CSMD1: variants seen among roughly 807,000 people sequenced by gnomAD.
The protein encoded by CSMD1 is CUB and Sushi multiple domains 1.
In CSMD1, 213 loss-of-function variants were observed where a neutral mutation model predicts 417.5. That is an observed-to-expected ratio of 0.51 (90% CI 0.46 to 0.57). CSMD1 has a LOEUF of 0.57. Ranked by LOEUF, CSMD1 falls within the 20% of genes least tolerant of loss-of-function variation. The pLI, the probability that CSMD1 is intolerant of heterozygous loss-of-function variation, is 0.00. For missense variants in CSMD1, 6,923 were observed against 4,529.7 expected (o/e 1.53, Z -15.17); for synonymous variants, 2,862 against 1,736.8 (o/e 1.65, Z -16.11).
At chr8:4,718,475 G>A (rs898826203) in intron 1 of CSMD1, among the ~76,000 whole-genome samples, 1 of 151,742 alleles carries the variant, frequency 6.6e-6, no homozygotes, top group African/African-American at 2.4e-5. Flanking sequence ...CCTGAAGACA[G>A]GAACTAGAAA....
intron 2 of CSMD1, among the ~76,000 whole-genome samples, chr8:4,499,606 C>T (rs184314963): frequency 1.3e-5 from 2 of 152,316 alleles, no homozygotes; most frequent in Non-Finnish European, 2.9e-5. Context: ...AAAAGGTCAA[C>T]AGTGGAATAC....
chr8:4,872,511 T>A (rs1241025533), intron 1 of CSMD1, among the ~76,000 whole-genome samples: 6 of 152,046 alleles, frequency 3.9e-5, no homozygotes, highest in Admixed American at 3.9e-4. Context: ...CCTGGTTCCC[T>A]TTCACCTTCC....
At chr8:2,994,123 G>T (rs1165489555) in intron 54 of CSMD1, among the ~76,000 whole-genome samples, 1 of 118,240 alleles carries the variant, frequency 8.5e-6, no homozygotes. Context: ...TCCAGCCTGG[G>T]CAACAGAGCA....
intron 29 of CSMD1, among the ~76,000 whole-genome samples, chr8:3,218,453 C>G (rs1378045562): frequency 6.7e-6 from 1 of 149,926 alleles, no homozygotes. Flanking sequence ...CCCAGCTACT[C>G]GGGAGGCTGA....
chr8:2,980,298 G>A (rs1805291656), intron 54 of CSMD1, among the ~76,000 whole-genome samples: 1 of 151,692 alleles, frequency 6.6e-6, no homozygotes, highest in African/African-American at 2.4e-5. Flanking sequence ...AGGCCAGATT[G>A]AGCTGATGCC....
intron 3 of CSMD1, among the ~76,000 whole-genome samples, chr8:4,390,618 A>T (rs1326660881): frequency 6.6e-6 from 1 of 151,898 alleles, no homozygotes; most frequent in African/African-American, 2.4e-5. Flanking sequence ...GACTCACGCC[A>T]TTCTCCTGCC....
chr8:3,294,086 G>A (rs761522223), intron 25 of CSMD1, among the ~76,000 whole-genome samples: 5 of 152,168 alleles, frequency 3.3e-5, no homozygotes, highest in African/African-American at 9.7e-5. Flanking sequence ...TTTGCTGGAG[G>A]TGCACTCCGG....
chr8:3,803,559 G>C (rs868374982), intron 5 of CSMD1, among the ~76,000 whole-genome samples: 5 of 152,192 alleles, frequency 3.3e-5, no homozygotes, highest in South Asian at 4.1e-4. Flanking sequence ...GAGCCCACAG[G>C]TGGGAAAGGC....
chr8:4,590,809 T>C (rs1384529366), intron 2 of CSMD1, among the ~76,000 whole-genome samples: 2 of 152,190 alleles, frequency 1.3e-5, no homozygotes, highest in Non-Finnish European at 2.9e-5. Context: ...AAAATAATTT[T>C]TAAACATTTC....
intron 2 of CSMD1, among the ~76,000 whole-genome samples, chr8:4,608,361 C>G (rs1357156708): frequency 1.3e-5 from 2 of 152,108 alleles, no homozygotes; most frequent in Non-Finnish European, 2.9e-5. Context: ...TGGTGGCTGA[C>G]CGGAACATGG....
intron 3 of CSMD1, among the ~76,000 whole-genome samples, chr8:4,316,106 T>A (rs1316900348): frequency 1.3e-5 from 2 of 152,146 alleles, no homozygotes; most frequent in Non-Finnish European, 2.9e-5. Context: ...AACCACTCAT[T>A]ATTGTTAACC....
chr8:3,625,942 T>C (rs1384405569), intron 7 of CSMD1, among the ~76,000 whole-genome samples: 3 of 152,196 alleles, frequency 2.0e-5, no homozygotes, highest in African/African-American at 7.2e-5. Flanking sequence ...ATGTTTTCCT[T>C]ATAAAGCTTC....
At chr8:4,341,958 T>A (rs1398022143) in intron 3 of CSMD1, among the ~76,000 whole-genome samples, 1 of 152,164 alleles carries the variant, frequency 6.6e-6, no homozygotes, top group Admixed American at 6.6e-5. Flanking sequence ...TGACACATAT[T>A]ACCCTGGTTC....
At chr8:4,817,862 A>G (rs1321909360) in intron 1 of CSMD1, among the ~76,000 whole-genome samples, 1 of 152,204 alleles carries the variant, frequency 6.6e-6, no homozygotes, top group Non-Finnish European at 1.5e-5. Context: ...AAAATAGTTA[A>G]TGATATGATA....
intron 48 of CSMD1, among the ~76,000 whole-genome samples, chr8:3,090,662 G>A (rs913676543): frequency 1.3e-5 from 2 of 152,108 alleles, no homozygotes; most frequent in East Asian, 1.9e-4. Context: ...ACAATCCTCC[G>A]TCAGCACATA....
chr8:3,558,166 C>T (rs201363664), intron 10 of CSMD1, among the ~76,000 whole-genome samples: 1,493 of 63,734 alleles, frequency 0.023, no homozygotes, highest in Middle Eastern at 0.079. Context: ...GCCTCAATAG[C>T]ACCCCGTGTC....
At chr8:4,020,561 A>G (rs1300516714) in intron 4 of CSMD1, among the ~76,000 whole-genome samples, 1 of 152,206 alleles carries the variant, frequency 6.6e-6, no homozygotes, top group Non-Finnish European at 1.5e-5. Context: ...CATAACCAAG[A>G]TGGAGAAGTC....
intron 1 of CSMD1, among the ~76,000 whole-genome samples, chr8:4,642,344 C>G (rs1363569468): frequency 6.6e-6 from 1 of 152,188 alleles, no homozygotes; most frequent in African/African-American, 2.4e-5. Flanking sequence ...GCCCTGTGCC[C>G]TCATCATTTC....
chr8:4,570,813 T>C lies in CSMD1; in HGVS notation c.302+66529A>G, dbSNP rs904430555. Among the ~76,000 whole-genome samples the C allele has an allele frequency of 2.3e-4, 35 of 152,138 alleles. 1 individual carries two copies. The highest frequency in any genetic ancestry group is 2.3e-3 in the Admixed American group (35 of 15,256). ...GGTAGGCTATTAATCACTGTGTCAA[T>C]TTTGGAACTTGTTATTGGTCTATTT... On this transcript the variant is annotated intron_variant, in intron 2 of 69. Coordinates refer to ENST00000635120, the MANE Select transcript of CSMD1 (RefSeq NM_033225.6).
Sources: allele counts gnomAD v4.1 joint callset (sites outside exome capture counted in the v4.1 genomes callset), GRCh38; gene constraint gnomAD v4.1.1; transcripts MANE v1.5; gene names NCBI Gene and HGNC (gene_info 2026-07-23, HGNC 2026-07-21).